RBBP7: variants seen among roughly 807,000 people sequenced by gnomAD.
RBBP7 encodes RB binding protein 7, chromatin remodeling factor.
In RBBP7, 5 loss-of-function variants were observed where a neutral mutation model predicts 35.2. The observed-to-expected ratio is 0.14, with a 90% CI of 0.07 to 0.30. The LOEUF is 0.30. Ranked by LOEUF, RBBP7 falls within the 10% of genes least tolerant of loss-of-function variation. The probability of loss-of-function intolerance (pLI) is 1.00; values close to 1 mark genes in which losing one functional copy is unlikely to be tolerated. For synonymous variants in RBBP7, 140 were observed against 118.7 expected, an observed-to-expected ratio of 1.18 and a Z score of -1.17; for missense variants, 155 against 327.5, an observed-to-expected ratio of 0.47 and a Z score of 4.07.
At chrX:16,861,320 A>C (rs1017493719) in intron 3 of RBBP7, among the ~76,000 whole-genome samples, 3 of 112,215 alleles carry the variant, frequency 2.7e-5, no homozygotes, top group African/African-American at 9.7e-5. Context: ...GACAATGAAT[A>C]CACCATACAA....
At position 16,852,110 on chromosome X, in the gene RBBP7, G is replaced by C; in HGVS notation, c.976C>G (p.Pro326Ala). Residue 326 changes from proline to alanine, a missense_variant, in exon 9 of 12, where the codon CCA (proline) becomes GCA (alanine). By Grantham distance (27) the Pro-to-Ala change is conservative (BLOSUM62 -1). This residue lies in a region of RBBP7 where 79 missense variants were observed against 220.8 expected (regional missense o/e 0.36). Transcript: ENST00000380087. ...KDEIFQVHWS[P>A]HNETILASSG... ...GAAGCCAGAATAGTTTCATTATGTGGAGACCAGTGGACCTAGTAATAGATA... is the reference window on the plus strand; with the variant it reads ...GAAGCCAGAATAGTTTCATTATGTGCAGACCAGTGGACCTAGTAATAGATA... The C allele has an allele frequency of 2.5e-6, 3 of 1,193,265 alleles. No individual in the cohort carries two copies. Among genetic ancestry groups the C allele is most frequent in the Non-Finnish European group, 3.4e-6 (3 of 878,961 alleles).
intron 1 of RBBP7, chrX:16,869,587 T>C: frequency 1.6e-5 from 19 of 1,165,367 alleles, no homozygotes; most frequent in Non-Finnish European, 2.2e-5. Flanking sequence ...GCCTGGTCTC[T>C]CCAATCCCCA....
intron 11 of RBBP7, among the ~76,000 whole-genome samples, 189 bp downstream of exon 11, chrX:16,845,639 C>T (rs958174033): frequency 1.8e-5 from 2 of 112,332 alleles, no homozygotes; most frequent in African/African-American, 6.5e-5. Flanking sequence ...CTACAAATAG[C>T]AAACAGTGGA....
At chrX:16,860,269 CT>C (rs1416491605) in intron 3 of RBBP7, among the ~76,000 whole-genome samples, 17 of 23,751 alleles carry the variant, frequency 7.2e-4, no homozygotes, top group African/African-American at 2.5e-3. Context: ...AAGAGCTCTC[CT>C]TTAAAAAAAA....
rs752831542 is a variant in RBBP7 at position 16,858,805 on chromosome X, T to C, written c.352A>G (p.Ile118Val). Residue 118 changes from isoleucine to valine, a missense_variant, in exon 4 of 12, where the codon ATT becomes GTT. Around this residue, in one of 3 missense-constraint regions of RBBP7, gnomAD observed 59 missense variants for 90.4 expected, o/e 0.65. Coordinates refer to ENST00000380087, the MANE Select transcript of RBBP7 (RefSeq NM_002893.4). ...ACTTCTCCTTCGTGATTGATTTTAA[T>C]TTCACATTCAATTTTTCCTGTTACA... ...GSVTGKIECEIKINHEGEVNR... is the reference protein window; with the variant it reads ...GSVTGKIECEVKINHEGEVNR... The C allele has an allele frequency of 1.2e-5, 14 of 1,209,745 alleles. No homozygotes were observed. The highest frequency in any genetic ancestry group is 1.1e-6 in the Non-Finnish European group (1 of 895,282).
Position 16,844,362 on chromosome X carries a change from T to G in RBBP7, c.*673A>C, listed in dbSNP as rs1370779392. The stretch of plus-strand genomic sequence containing the variant: ...CTAGTTTGTGCTAAACACACTGCTT[T>G]ATTTTTACAGCCCACGTCTTTCATG... On this transcript the variant is annotated 3_prime_UTR_variant, in exon 12 of 12. Coordinates refer to ENST00000380087, the MANE Select transcript of RBBP7 (RefSeq NM_002893.4). 1 of 112,644 alleles carries G rather than the reference T, an allele frequency of 8.9e-6. No individual in the cohort carries two copies. The highest frequency in any genetic ancestry group is 9.4e-5 in the Admixed American group (1 of 10,609). 9.3% of individuals were successfully genotyped at this position (112,644 alleles called of 1,213,427 possible).
At chrX:16,858,903 A>C (rs1930407607) in intron 3 of RBBP7, 54 bp from the exon 4 acceptor site, 1 of 1,182,273 alleles carries the variant, frequency 8.5e-7, no homozygotes, top group East Asian at 3.0e-5. Context: ...AAAATTCACA[A>C]ATCACTTAGT....
At chrX:16,869,748 G>A (rs1930727939) in intron 1 of RBBP7, 5 of 969,233 alleles carry the variant, frequency 5.2e-6, no homozygotes, top group Admixed American at 5.9e-5. Flanking sequence ...AGCGGCGGGG[G>A]CCGCCTCCGC....
At chrX:16,855,413 A>T (rs1016259026) in intron 5 of RBBP7, among the ~76,000 whole-genome samples, 8 of 110,827 alleles carry the variant, frequency 7.2e-5, no homozygotes, top group East Asian at 2.8e-4. Flanking sequence ...CAGTAACAAA[A>T]TTTTTTTTTA....
chrX:16,845,064 T>C lies in RBBP7; in HGVS notation c.1249A>G (p.Thr417Ala), dbSNP rs763029875. Residue 417 changes from threonine (T) to alanine (A), a missense_variant, in exon 12 of 12, where the codon ACA (threonine) becomes GCA (alanine). Coordinates refer to ENST00000380087, the MANE Select transcript of RBBP7 (RefSeq NM_002893.4). ...GATCCTTGTCCCTCCAGTTCGGATG[T>C]CGTGACATCTGACTCTTCATCATTG... ...IYNDEESDVTTSELEGQGS is the reference protein window; with the variant it reads ...IYNDEESDVTASELEGQGS The C allele has an allele frequency of 3.3e-6, 4 of 1,210,391 alleles. 1 individual carries two copies. The African/African-American group carries it at 6.9e-5, about 21-fold the overall frequency.
chrX:16,855,437 C>T (rs1282713335), intron 5 of RBBP7, among the ~76,000 whole-genome samples: 1 of 111,800 alleles, frequency 8.9e-6, no homozygotes, highest in Non-Finnish European at 1.9e-5. Context: ...AATACATATG[C>T]CCTCAGTCTC....
chrX:16,862,899 C>A, intron 3 of RBBP7, 56 bp downstream of exon 3: 1 of 1,152,635 alleles, frequency 8.7e-7, no homozygotes, highest in East Asian at 3.0e-5. Flanking sequence ...ATAGCATATG[C>A]TTTGAAAGAG....
chrX:16,867,712 G>A (rs1371865578), intron 2 of RBBP7, among the ~76,000 whole-genome samples: 2 of 110,984 alleles, frequency 1.8e-5, no homozygotes, highest in East Asian at 2.8e-4. Flanking sequence ...TCTCGCTCTC[G>A]CCCAGGCTGG....
At chrX:16,863,957 T>A (rs1930533549) in intron 2 of RBBP7, among the ~76,000 whole-genome samples, 1 of 111,341 alleles carries the variant, frequency 9.0e-6, no homozygotes, top group Admixed American at 9.6e-5. Context: ...GAAGTAGGGG[T>A]CTAGGCCCTA....
chrX:16,860,089 G>A (rs908576813), intron 3 of RBBP7, among the ~76,000 whole-genome samples: 5 of 109,507 alleles, frequency 4.6e-5, no homozygotes, highest in African/African-American at 1.7e-4. Context: ...GAAGAAATGT[G>A]CCTCGGCATG....
intron 9 of RBBP7, among the ~76,000 whole-genome samples, chrX:16,850,911 C>T (rs1453383079): frequency 9.0e-6 from 1 of 111,300 alleles, no homozygotes; most frequent in Non-Finnish European, 1.9e-5. Context: ...CCAGCCTGGC[C>T]AATATGGCAA....
At position 16,869,458 on chromosome X, in the gene RBBP7, C is replaced by T. The variant is rs1033435998; in HGVS notation, c.17-238G>A. 5.2e-6 allele frequency: 6 copies of T among 1,158,414 alleles called. No individual in the cohort carries two copies. The African/African-American group carries it at 9.0e-5, about 17-fold the overall frequency. On this transcript the variant is annotated intron_variant, in intron 1 of 11. Coordinates refer to ENST00000380087, the MANE Select transcript of RBBP7 (RefSeq NM_002893.4). ...CATGTTGGGTAGTCAATTACACGGA[C>T]ATGGAAATTGTTTACCCTGTTACAG...
Position 16,864,574 on chromosome X carries a change from G to A in RBBP7, c.162-1474C>T, listed in dbSNP as rs190135976. On this transcript the variant is annotated intron_variant, in intron 2 of 11. Transcript: ENST00000380087. ...AAAAAGAAAGAAAACATGGGTCTTG[G>A]TTGATACATGCACAGTGGGCCAAGA... Among the ~76,000 whole-genome samples, 55 of 107,564 alleles carry A rather than the reference G, an allele frequency of 5.1e-4. 1 individual carries two copies. In the East Asian group the frequency reaches 0.011, roughly 21 times the overall value. The allele number at this position is 107,564 out of a possible 115,157, so 93.4% of individuals were successfully genotyped here.
chrX:16,864,961 C>T (rs1930574240), intron 2 of RBBP7, among the ~76,000 whole-genome samples: 1 of 102,631 alleles, frequency 9.7e-6, no homozygotes, highest in African/African-American at 3.6e-5. Context: ...AAGCCAGGTG[C>T]AGTGCTGTGC....
Sources: allele counts gnomAD v4.1 joint callset (sites outside exome capture counted in the v4.1 genomes callset), GRCh38; gene constraint gnomAD v4.1.1; regional missense constraint gnomAD v4.1.1; transcripts MANE v1.5; gene names NCBI Gene and HGNC (gene_info 2026-07-23, HGNC 2026-07-21).